RCSD1: variants seen among roughly 807,000 people sequenced by gnomAD.
The protein encoded by RCSD1 is RCSD domain containing 1.
RCSD1 carries 26 observed loss-of-function variants against 42.5 expected under a neutral mutation model. That is an observed-to-expected ratio of 0.61 (90% CI 0.45 to 0.85). The LOEUF (loss-of-function observed/expected upper bound fraction) is 0.85. Ranked by LOEUF, RCSD1 falls within the 40% of genes least tolerant of loss-of-function variation. The probability of loss-of-function intolerance (pLI) is 0.00; values close to 1 mark genes in which losing one functional copy is unlikely to be tolerated. For missense variants in RCSD1, 571 were observed against 528.3 expected (o/e 1.08, Z -0.79); for synonymous variants, 220 against 212.2 (o/e 1.04, Z -0.32).
chr1:167,702,643 G>A (rs1256490676), intron 6 of RCSD1, among the ~76,000 whole-genome samples: 1 of 152,156 alleles, frequency 6.6e-6, no homozygotes, highest in Non-Finnish European at 1.5e-5. Flanking sequence ...GCCAGGGGTG[G>A]TGGCGTGTGC....
intron 1 of RCSD1, among the ~76,000 whole-genome samples, chr1:167,632,039 G>A (rs913741891): frequency 3.3e-5 from 5 of 152,310 alleles, no homozygotes; most frequent in Admixed American, 1.3e-4. Flanking sequence ...TAGGGCTGGC[G>A]GTGAGGCACG....
At chr1:167,655,620 TGG>T (rs774064434) in intron 1 of RCSD1, among the ~76,000 whole-genome samples, 8 of 152,148 alleles carry the variant, frequency 5.3e-5, no homozygotes, top group Non-Finnish European at 1.0e-4. Context: ...CCAGTCACCC[TGG>T]GGGGCAAGGC....
chr1:167,670,981 C>A (rs977148960), intron 1 of RCSD1, among the ~76,000 whole-genome samples: 6 of 152,192 alleles, frequency 3.9e-5, no homozygotes, highest in African/African-American at 1.4e-4. Flanking sequence ...TGGATCCAAG[C>A]CATCCTTAAG....
At chr1:167,668,280 G>A (rs956216959) in intron 1 of RCSD1, among the ~76,000 whole-genome samples, 16 of 150,964 alleles carry the variant, frequency 1.1e-4, no homozygotes, top group East Asian at 5.8e-4. Context: ...GCAAGACTCC[G>A]TCTCCAGAAA....
intron 1 of RCSD1, among the ~76,000 whole-genome samples, chr1:167,662,206 G>C (rs1343849078): frequency 6.6e-6 from 1 of 152,204 alleles, no homozygotes; most frequent in Non-Finnish European, 1.5e-5. Context: ...TGCTGTAGCA[G>C]ATGGCAAAAA....
intron 1 of RCSD1, among the ~76,000 whole-genome samples, chr1:167,635,887 A>T: frequency 6.6e-6 from 1 of 152,232 alleles, no homozygotes; most frequent in Non-Finnish European, 1.5e-5. Flanking sequence ...CCTGGGGAGT[A>T]GTTCAACCCA....
chr1:167,631,920 A>G (rs548216885), intron 1 of RCSD1, among the ~76,000 whole-genome samples: 2 of 152,352 alleles, frequency 1.3e-5, no homozygotes, highest in African/African-American at 4.8e-5. Flanking sequence ...AGTTGTCTTC[A>G]AGGAACAGGG....
intron 2 of RCSD1, 41 bp from the exon 3 acceptor site, chr1:167,685,380 T>C: frequency 1.3e-6 from 2 of 1,537,854 alleles, no homozygotes; most frequent in Non-Finnish European, 1.8e-6. Flanking sequence ...TGATCAGTGC[T>C]CTCTTTTTCT....
chr1:167,680,674 T>G (rs1659060457), intron 1 of RCSD1, among the ~76,000 whole-genome samples: 1 of 152,130 alleles, frequency 6.6e-6, no homozygotes, highest in South Asian at 2.1e-4. Context: ...GGTCTCTCTT[T>G]ATTGCCCAGT....
At position 167,648,819 on chromosome 1, in the gene RCSD1, A is replaced by G. The variant is rs74685220; in HGVS notation, c.6+18390A>G. On this transcript the variant is annotated intron_variant, in intron 1 of 6. Coordinates refer to ENST00000367854, the MANE Select transcript of RCSD1 (RefSeq NM_052862.4). Reference sequence around the variant, plus strand: ...CTAGAGAATGATGGGCTGGTCCTCTAGGAAATCCCTTGAAGTCCTGAGCAA... The same window carrying G: ...CTAGAGAATGATGGGCTGGTCCTCTGGGAAATCCCTTGAAGTCCTGAGCAA... Among the ~76,000 whole-genome samples, 324 of 152,330 alleles carry G rather than the reference A, an allele frequency of 2.1e-3. 6 individuals are homozygous for G. The East Asian group carries it at 0.051, about 24-fold the overall frequency.
At position 167,662,835 on chromosome 1, in the gene RCSD1, C is replaced by T. The variant is rs1033082394; in HGVS notation, c.7-21065C>T. Among the ~76,000 whole-genome samples the T allele has an allele frequency of 2.4e-4, 37 of 152,116 alleles. 2 individuals carry two copies. Among genetic ancestry groups the T allele is most frequent in the Non-Finnish European group, 8.8e-5 (6 of 68,024 alleles). ...GCTTGGCATCCCTGAGTTCCCTGGCCGAGTTTCTTGCGATTCTGCCTGAAC... is the reference window on the plus strand; with the variant it reads ...GCTTGGCATCCCTGAGTTCCCTGGCTGAGTTTCTTGCGATTCTGCCTGAAC... On this transcript the variant is annotated intron_variant, in intron 1 of 6. Coordinates refer to ENST00000367854, the MANE Select transcript of RCSD1 (RefSeq NM_052862.4).
At chr1:167,642,036 C>T (rs1410369786) in intron 1 of RCSD1, 1 of 152,210 alleles carries the variant, frequency 6.6e-6, no homozygotes, top group African/African-American at 2.4e-5. Flanking sequence ...TACCCCTTTG[C>T]TTGTTGTCAT....
intron 1 of RCSD1, among the ~76,000 whole-genome samples, chr1:167,648,143 T>C (rs893669960): frequency 1.6e-4 from 24 of 152,350 alleles, no homozygotes; most frequent in African/African-American, 4.8e-4. Flanking sequence ...AGTATTCTTG[T>C]TCCTCATAGT....
At chr1:167,681,075 CCAGCCCCGATT>C (rs1271124171) in intron 1 of RCSD1, among the ~76,000 whole-genome samples, 2 of 152,252 alleles carry the variant, frequency 1.3e-5, no homozygotes, top group Non-Finnish European at 2.9e-5. Context: ...GGCTGAGCCA[CCAGCCCCGATT>C]CATCCCCAAG....
At chr1:167,693,956 T>C in intron 4 of RCSD1, 143 bp from the exon 5 acceptor site, 1 of 703,838 alleles carries the variant, frequency 1.4e-6, no homozygotes, top group East Asian at 2.7e-5. Flanking sequence ...GATGGGACAG[T>C]GGATAATGGG....
intron 1 of RCSD1, among the ~76,000 whole-genome samples, chr1:167,670,328 C>G (rs1262970095): frequency 2.8e-5 from 4 of 141,466 alleles, no homozygotes; most frequent in African/African-American, 7.9e-5. Context: ...TGAAGAGACA[C>G]TTCTTTCCCA....
chr1:167,700,369 C>T (rs1001210284), intron 6 of RCSD1, among the ~76,000 whole-genome samples: 1 of 152,162 alleles, frequency 6.6e-6, no homozygotes, highest in East Asian at 1.9e-4. Flanking sequence ...CATTCCAGTG[C>T]CAGGCGTGGT....
rs561765696 is a variant in RCSD1 at position 167,697,560 on chromosome 1, A to G, written c.936A>G (p.Glu312=). The G allele has an allele frequency of 1.4e-5, 23 of 1,607,266 alleles. No homozygotes were observed. The highest frequency in any genetic ancestry group is 1.8e-5 in the Non-Finnish European group (21 of 1,176,970). Residue 312 remains glutamate, a synonymous_variant, in exon 6 of 7, where the codon GAA becomes GAG. Transcript: ENST00000367854. Reference sequence around the variant, plus strand: ...CAGCTGGAGAGGAAGCAGAGATGGAAAAGGCTACAGAGGTGAAGGGGGAGA... The same window carrying G: ...CAGCTGGAGAGGAAGCAGAGATGGAGAAGGCTACAGAGGTGAAGGGGGAGA... ...EKPAGEEAEM[E]KATEVKGERV...
chr1:167,678,149 C>T (rs1658994387), intron 1 of RCSD1, among the ~76,000 whole-genome samples: 1 of 152,190 alleles, frequency 6.6e-6, no homozygotes. Context: ...AGACCTCAGT[C>T]TTTGGGCCTC....
Sources: gnomAD v4.1 joint callset for allele counts (sites outside exome capture counted in the v4.1 genomes callset) on GRCh38, gnomAD v4.1.1 for gene constraint, MANE v1.5 for transcripts, NCBI Gene and HGNC (gene_info 2026-07-23, HGNC 2026-07-21) for gene names.